Variants in EMSY observed in about 807,000 individuals in gnomAD.
EMSY encodes BRCA2-interacting transcriptional repressor EMSY.
EMSY carries 26 observed loss-of-function variants against 134.6 expected under a neutral mutation model. The ratio of observed to expected loss-of-function variants is 0.19; its 90% CI spans 0.14 to 0.27. The LOEUF is 0.27. Among genes scored for constraint, EMSY ranks in the 10% least tolerant of loss-of-function variants. EMSY has a pLI of 1.00. For missense variants in EMSY, 1,305 were observed against 1,611.4 expected, an observed-to-expected ratio of 0.81 and a Z score of 3.26; for synonymous variants, 579 against 577.8, an observed-to-expected ratio of 1.00 and a Z score of -0.03.
At chr11:76,472,489 A>G in intron 7 of EMSY, 75 bp from the exon 9 acceptor site, 3 of 1,327,572 alleles carry the variant, frequency 2.3e-6, no homozygotes, top group Non-Finnish European at 1.0e-6. Flanking sequence ...TTTAAATTAT[A>G]TATAACTAAC....
chr11:76,453,559 G>GT (rs933737068), intron 4 of EMSY, 171 bp downstream of exon 4: 924 of 481,126 alleles, frequency 1.9e-3, no homozygotes, highest in South Asian at 3.3e-3. Flanking sequence ...ATTCAGTTGG[G>GT]TTTTTTTTTG....
At chr11:76,474,204 T>C (rs1312716420) in intron 8 of EMSY, among the ~76,000 whole-genome samples, 1 of 151,962 alleles carries the variant, frequency 6.6e-6, no homozygotes, top group African/African-American at 2.4e-5. Flanking sequence ...GTTCCTCCCA[T>C]ATGAAAGACA....
chr11:76,456,319 T>C (rs1269126950), intron 4 of EMSY, among the ~76,000 whole-genome samples: 7 of 152,222 alleles, frequency 4.6e-5, no homozygotes, highest in Admixed American at 6.5e-5. Flanking sequence ...TATAGATCTT[T>C]CTAAAAGTTG....
chr11:76,509,125 G>T (rs1189894797), intron 9 of EMSY, among the ~76,000 whole-genome samples: 2 of 152,006 alleles, frequency 1.3e-5, no homozygotes, highest in Non-Finnish European at 2.9e-5. Context: ...AAAAAACTTT[G>T]AATTATTGTG....
At chr11:76,498,563 C>T (rs181300535) in intron 9 of EMSY, among the ~76,000 whole-genome samples, 1 of 152,136 alleles carries the variant, frequency 6.6e-6, no homozygotes, top group Admixed American at 6.5e-5. Context: ...TATATTGATC[C>T]TGTCTCATTA....
intron 18 of EMSY, 115 bp from the exon 20 acceptor site, chr11:76,544,144 A>T: frequency 9.2e-7 from 1 of 1,090,050 alleles, no homozygotes; most frequent in Non-Finnish European, 1.3e-6. Flanking sequence ...TGGCCTTTCT[A>T]GGTTCTTCTG....
chr11:76,519,984 T>C (rs1950587144), intron 11 of EMSY, among the ~76,000 whole-genome samples: 1 of 152,166 alleles, frequency 6.6e-6, no homozygotes, highest in South Asian at 2.1e-4. Context: ...TAAGGAATGC[T>C]AAACAAGTGA....
intron 12 of EMSY, 144 bp from the exon 14 acceptor site, chr11:76,526,318 G>C: frequency 3.8e-6 from 2 of 526,968 alleles, no homozygotes; most frequent in Non-Finnish European, 6.0e-6. Flanking sequence ...TACGATTTTT[G>C]ATTTCCTGGA....
intron 8 of EMSY, among the ~76,000 whole-genome samples, chr11:76,494,654 CCTTCCTTCCTTCCTT>C (rs1565314601): frequency 0.023 from 48 of 2,102 alleles, 1 homozygote; most frequent in South Asian, 0.1. Context: ...CCTTTCCCTT[CCTTCCTTCCTTCCTT>C]CCTTCCTTCC....
chr11:76,507,444 C>T (rs1405961079), intron 9 of EMSY, among the ~76,000 whole-genome samples: 4 of 152,226 alleles, frequency 2.6e-5, no homozygotes, highest in Non-Finnish European at 5.9e-5. Flanking sequence ...ATCTTTTAAA[C>T]GTGCCATTGC....
rs558456923 is a variant in EMSY, at chr11:76,462,238, C to CATAA, written c.572-1562_572-1559dup. On this transcript the variant is annotated intron_variant, in intron 6 of 20. Transcript: ENST00000334736. ...TGGGCAACAGTGTGAGACTCCATCT[C>CATAA]ATAAATAAATAAATAAATAAATAAG... Among the ~76,000 whole-genome samples the CATAA allele has an allele frequency of 1.2e-3, 182 of 152,128 alleles. 1 individual carries two copies. Among genetic ancestry groups the CATAA allele is most frequent in the South Asian group, 0.011 (52 of 4,818 alleles).
chr11:76,474,643 C>T (rs1190052466), intron 8 of EMSY, among the ~76,000 whole-genome samples: 2 of 152,126 alleles, frequency 1.3e-5, no homozygotes, highest in African/African-American at 4.8e-5. Flanking sequence ...CATTTAATGT[C>T]TCAATCAATG....
intron 1 of EMSY, among the ~76,000 whole-genome samples, chr11:76,446,319 G>GTGTATATATATA (rs1176761237): frequency 1.7e-5 from 2 of 114,324 alleles, no homozygotes; most frequent in South Asian, 3.0e-4. Flanking sequence ...ATATGTGTGT[G>GTGTATATATATA]TGTGTATATA....
intron 4 of EMSY, chr11:76,454,758 A>T: frequency 6.8e-7 from 1 of 1,466,272 alleles, no homozygotes; most frequent in Non-Finnish European, 9.2e-7. Context: ...GAATGAATTT[A>T]TCCTTATATT....
chr11:76,527,281 ATTTACT>A (rs1296115130), intron 13 of EMSY, among the ~76,000 whole-genome samples: 2 of 152,094 alleles, frequency 1.3e-5, no homozygotes, highest in East Asian at 3.9e-4. Flanking sequence ...TAAACTACTA[ATTTACT>A]TTTAGAATCT....
Position 76,502,827 on chromosome 11 carries a change from A to G in EMSY, c.1363+6358A>G, listed in dbSNP as rs1256709680. Among the ~76,000 whole-genome samples the G allele has an allele frequency of 7.9e-5, 12 of 152,320 alleles. No individual in the cohort carries two copies. The East Asian group carries it at 2.3e-3, about 29-fold the overall frequency. Reference sequence around the variant, plus strand: ...GGAAAGCATACCATGCTCACAGATCAGAAGATTTAACATTGTTAAGATGAC... The same window carrying G: ...GGAAAGCATACCATGCTCACAGATCGGAAGATTTAACATTGTTAAGATGAC... On this transcript the variant is annotated intron_variant, in intron 9 of 20. Transcript: ENST00000334736.
chr11:76,500,317 C>G (rs1210023084), intron 9 of EMSY, among the ~76,000 whole-genome samples: 3 of 152,078 alleles, frequency 2.0e-5, no homozygotes, highest in Non-Finnish European at 4.4e-5. Context: ...ATTCATAAAA[C>G]AGATAGCTCC....
chr11:76,542,012 G>A (rs1160421492), intron 17 of EMSY: 5 of 635,288 alleles, frequency 7.9e-6, no homozygotes, highest in African/African-American at 1.8e-5. Context: ...TTTTGCAGAT[G>A]AGGAAACAGT....
intron 14 of EMSY, among the ~76,000 whole-genome samples, chr11:76,534,529 G>GT (rs1021066396): frequency 2.0e-5 from 3 of 151,922 alleles, no homozygotes; most frequent in Non-Finnish European, 4.4e-5. Flanking sequence ...TATTGATTTT[G>GT]TTTTTTTCAG....
Sources: gnomAD v4.1 joint callset for allele counts (sites outside exome capture counted in the v4.1 genomes callset) on GRCh38, gnomAD v4.1.1 for gene constraint, MANE v1.5 for transcripts, NCBI Gene and HGNC (gene_info 2026-07-23, HGNC 2026-07-21) for gene names.